Variants in DCC observed in about 807,000 individuals in gnomAD.
DCC encodes netrin receptor DCC.
Under a neutral mutation model 172.5 loss-of-function variants are expected in DCC, and 58 were observed. That is an observed-to-expected ratio of 0.34 (90% CI 0.27 to 0.42). The LOEUF is 0.42. Ranked by LOEUF, DCC falls within the 10% of genes least tolerant of loss-of-function variation. The pLI is 1.00. For synonymous variants in DCC, 709 were observed against 644.5 expected (o/e 1.10, Z -1.52); for missense variants, 1,740 against 1,791.0 (o/e 0.97, Z 0.51).
intron 3 of DCC, among the ~76,000 whole-genome samples, chr18:52,912,889 T>C (rs72924222): frequency 1.1e-3 from 174 of 152,166 alleles, no homozygotes; most frequent in Non-Finnish European, 2.0e-3. Context: ...ATCTAATCCT[T>C]AAAAGCTGCA....
chr18:53,258,445 A>G (rs141797582), intron 12 of DCC, among the ~76,000 whole-genome samples: 14,328 of 151,956 alleles, frequency 0.094, 740 homozygotes, highest in Middle Eastern at 0.18. Context: ...GAACATCTTT[A>G]TTTCTGCCTT....
chr18:53,262,790 A>G (rs1031102134), intron 12 of DCC, among the ~76,000 whole-genome samples: 2 of 152,254 alleles, frequency 1.3e-5, no homozygotes, highest in African/African-American at 4.8e-5. Context: ...AATCACAAGC[A>G]TCTTCAAAAG....
intron 15 of DCC, among the ~76,000 whole-genome samples, chr18:53,342,046 T>C (rs1280462492): frequency 6.6e-6 from 1 of 152,086 alleles, no homozygotes; most frequent in Non-Finnish European, 1.5e-5. Context: ...CATTTAAGCA[T>C]AGGGTCAGCC....
intron 12 of DCC, among the ~76,000 whole-genome samples, chr18:53,252,105 A>C (rs1028047355): frequency 5.9e-5 from 9 of 151,970 alleles, no homozygotes; most frequent in African/African-American, 2.2e-4. Context: ...AAATTTTGTC[A>C]GATTTAAGTC....
chr18:53,439,286 G>C (rs1912124602), intron 22 of DCC, among the ~76,000 whole-genome samples: 1 of 152,164 alleles, frequency 6.6e-6, no homozygotes, highest in Admixed American at 6.5e-5. Context: ...CTTTAAAAGG[G>C]GGGTATGTTT....
chr18:52,792,769 T>TATTCCATTCTATTCCATTCCATTCC (rs2037796638), intron 2 of DCC, among the ~76,000 whole-genome samples: 5 of 134,398 alleles, frequency 3.7e-5, no homozygotes, highest in African/African-American at 9.6e-5. Context: ...TATTCCATTC[T>TATTCCATTCTATTCCATTCCATTCC]ATTCCATTCC....
intron 7 of DCC, among the ~76,000 whole-genome samples, chr18:53,136,575 A>G (rs1285431358): frequency 6.6e-6 from 1 of 152,194 alleles, no homozygotes; most frequent in Non-Finnish European, 1.5e-5. Flanking sequence ...CTGAATATAT[A>G]GTAACAGAAA....
intron 18 of DCC, among the ~76,000 whole-genome samples, chr18:53,401,977 CAT>C (rs933269590): frequency 2.0e-5 from 3 of 152,148 alleles, no homozygotes; most frequent in Admixed American, 2.0e-4. Flanking sequence ...CTAAGACACT[CAT>C]AGTTATTTTT....
At chr18:52,794,543 T>A (rs565508134) in intron 2 of DCC, among the ~76,000 whole-genome samples, 5 of 152,010 alleles carry the variant, frequency 3.3e-5, no homozygotes, top group East Asian at 3.9e-4. Context: ...TTTGGTGGAG[T>A]CTTTAGGTTT....
At chr18:52,573,594 T>A (rs1371254682) in intron 1 of DCC, among the ~76,000 whole-genome samples, 1 of 152,232 alleles carries the variant, frequency 6.6e-6, no homozygotes, top group Non-Finnish European at 1.5e-5. Context: ...TTCTGTTCGT[T>A]CTCTTTTAAT....
At chr18:53,242,048 C>A (rs1029922356) in intron 12 of DCC, among the ~76,000 whole-genome samples, 13 of 152,220 alleles carry the variant, frequency 8.5e-5, no homozygotes, top group African/African-American at 3.1e-4. Context: ...CATGCGCAGT[C>A]TTTTTAAAAA....
chr18:52,941,553 TAC>T (rs1314153329), intron 5 of DCC, among the ~76,000 whole-genome samples: 5 of 151,942 alleles, frequency 3.3e-5, no homozygotes, highest in South Asian at 2.1e-4. Context: ...TGCGCTCATA[TAC>T]ACACACTATA....
chr18:52,528,348 G>A (rs2144678887), intron 1 of DCC, among the ~76,000 whole-genome samples: 1 of 152,148 alleles, frequency 6.6e-6, no homozygotes, highest in African/African-American at 2.4e-5. Context: ...TTGTTGCTAG[G>A]AACAGAAATT....
chr18:52,745,368 C>T (rs1410979386), intron 1 of DCC, among the ~76,000 whole-genome samples: 2 of 152,192 alleles, frequency 1.3e-5, no homozygotes, highest in Admixed American at 6.5e-5. Context: ...GAGCAAAGTT[C>T]TAGAGTTTTA....
intron 5 of DCC, among the ~76,000 whole-genome samples, chr18:53,058,000 G>A (rs561159399): frequency 5.5e-4 from 83 of 152,058 alleles, no homozygotes; most frequent in Non-Finnish European, 1.1e-3. Flanking sequence ...TTCATGGAAC[G>A]TTATGGAAAA....
intron 5 of DCC, among the ~76,000 whole-genome samples, chr18:52,985,817 A>T (rs1313535120): frequency 6.6e-6 from 1 of 151,984 alleles, no homozygotes; most frequent in Non-Finnish European, 1.5e-5. Context: ...CTTTTCTACT[A>T]GTTTCTTACT....
chr18:52,541,843 G>A (rs950753815), intron 1 of DCC, among the ~76,000 whole-genome samples: 2 of 132,026 alleles, frequency 1.5e-5, no homozygotes, highest in Non-Finnish European at 3.3e-5. Flanking sequence ...GACATGAGAA[G>A]AGTGGCTTAA....
rs551975864 is a variant in DCC, at chr18:52,581,751, A to G, written c.92-170303A>G. ...TGGTGACTTTCTAGACTAACAGGCT[A>G]GTGATTCTGAGTTAAACTTTGCAAA... On this transcript the variant is annotated intron_variant, in intron 1 of 28. Coordinates refer to ENST00000442544, the MANE Select transcript of DCC (RefSeq NM_005215.4). Among the ~76,000 whole-genome samples the G allele has an allele frequency of 5.9e-5, 9 of 152,308 alleles. No individual in the cohort carries two copies. The South Asian group carries it at 1.5e-3, about 25-fold the overall frequency.
rs375173047 is a variant in DCC, at chr18:52,548,654, A to G, written c.92-203400A>G. 6.6e-3 allele frequency among the ~76,000 whole-genome samples: 1,009 copies of G among 152,254 alleles called. 16 individuals are homozygous for G. The highest frequency in any genetic ancestry group is 0.023 in the African/African-American group (963 of 41,566). ...AAACTGGGTTAGTGTAATGCAAGGC[A>G]CAGCCAATACAGGCATCAGCGAAAT... On this transcript the variant is annotated intron_variant, in intron 1 of 28. Coordinates refer to ENST00000442544, the MANE Select transcript of DCC (RefSeq NM_005215.4).
Sources: allele counts gnomAD v4.1 joint callset (sites outside exome capture counted in the v4.1 genomes callset), GRCh38; gene constraint gnomAD v4.1.1; transcripts MANE v1.5; gene names NCBI Gene and HGNC (gene_info 2026-07-23, HGNC 2026-07-21).